Variants in PRUNE2 observed in about 807,000 individuals in gnomAD.
The protein encoded by PRUNE2 is protein prune homolog 2.
A neutral mutation model predicts 252.0 loss-of-function variants in PRUNE2; 164 were observed. That is an observed-to-expected ratio of 0.65 (90% CI 0.57 to 0.74). PRUNE2 has a LOEUF of 0.74. Ranked by LOEUF, PRUNE2 falls within the 30% of genes least tolerant of loss-of-function variation. The pLI is 0.00. For missense variants in PRUNE2, 3,495 were observed against 3,711.0 expected, an observed-to-expected ratio of 0.94 and a Z score of 1.51; for synonymous variants, 1,292 against 1,350.2, an observed-to-expected ratio of 0.96 and a Z score of 0.94.
chr9:76,835,868 T>C (rs2132205215), intron 4 of PRUNE2, among the ~76,000 whole-genome samples: 1 of 152,358 alleles, frequency 6.6e-6, no homozygotes, highest in South Asian at 2.1e-4. Flanking sequence ...AAAGGTCAAA[T>C]GAAACTACCA....
rs151145945 is a variant in PRUNE2 at position 76,628,986 on chromosome 9, G to C, written c.9149+206C>G. Among the ~76,000 whole-genome samples, 281 of 152,152 alleles carry C rather than the reference G, an allele frequency of 1.8e-3. 2 individuals are homozygous for C. The highest frequency in any genetic ancestry group is 6.5e-3 in the African/African-American group (271 of 41,510). ...CAGCCCCCTGAATAGCTGGACTACA[G>C]GCAAATGCCATCACGCCTGGCTAAT... On this transcript the variant is annotated intron_variant, in intron 16 of 18. Transcript: ENST00000376718.
chr9:76,670,450 T>C (rs1358785499), intron 9 of PRUNE2, among the ~76,000 whole-genome samples: 1 of 151,692 alleles, frequency 6.6e-6, no homozygotes, highest in Non-Finnish European at 1.5e-5. Flanking sequence ...GAGATCAAAC[T>C]GCAAGGCGGC....
chr9:76,677,448 G>T (rs1340001730), intron 9 of PRUNE2, among the ~76,000 whole-genome samples: 2 of 152,188 alleles, frequency 1.3e-5, no homozygotes, highest in Non-Finnish European at 2.9e-5. Flanking sequence ...CTGTTTCACA[G>T]GTGAGGAAAA....
chr9:76,727,005 G>A (rs536415088), intron 6 of PRUNE2, among the ~76,000 whole-genome samples: 21 of 152,292 alleles, frequency 1.4e-4, no homozygotes, highest in South Asian at 1.2e-3. Flanking sequence ...ACCTAAATTC[G>A]TAACAGATAA....
intron 7 of PRUNE2, among the ~76,000 whole-genome samples, chr9:76,712,131 A>ATAC (rs200612783): frequency 1.6e-4 from 24 of 152,226 alleles, no homozygotes; most frequent in East Asian, 7.7e-4. Context: ...GCTCACATAG[A>ATAC]TACTACTACT....
chr9:76,755,871 T>G (rs2051103753), intron 6 of PRUNE2, among the ~76,000 whole-genome samples: 1 of 151,964 alleles, frequency 6.6e-6, no homozygotes, highest in Non-Finnish European at 1.5e-5. Context: ...CCCGGTAAAT[T>G]TTTGCATTTT....
At chr9:76,782,683 T>C (rs2054547523) in intron 6 of PRUNE2, 1 of 152,350 alleles carries the variant, frequency 6.6e-6, no homozygotes, top group Non-Finnish European at 1.5e-5. Flanking sequence ...ACAACACATA[T>C]ACTTAGTGTT....
At chr9:76,868,383 CAT>C (rs2060970431) in intron 1 of PRUNE2, among the ~76,000 whole-genome samples, 1 of 152,234 alleles carries the variant, frequency 6.6e-6, no homozygotes, top group Admixed American at 6.5e-5. Flanking sequence ...TTTGCACAGA[CAT>C]GTGCCATGAG....
Position 76,644,114 on chromosome 9 carries a change from G to A in PRUNE2, c.8728+625C>T, listed in dbSNP as rs151214396. ...TCCCAAATTAATCAAGGCCACATAT[G>A]CTCCAGGAGCCCTCAAGAAAGTGCT... is the stretch of plus-strand genomic sequence containing the variant. On this transcript the variant is annotated intron_variant, in intron 12 of 18. Coordinates refer to ENST00000376718, the MANE Select transcript of PRUNE2 (RefSeq NM_015225.3). Among the ~76,000 whole-genome samples the A allele has an allele frequency of 5.7e-3, 870 of 152,204 alleles. 3 individuals carry two copies. Among genetic ancestry groups the A allele is most frequent in the Non-Finnish European group, 9.4e-3 (636 of 68,006 alleles).
At chr9:76,871,912 A>G (rs1441309410) in intron 1 of PRUNE2, among the ~76,000 whole-genome samples, 2 of 149,572 alleles carry the variant, frequency 1.3e-5, no homozygotes, top group African/African-American at 5.1e-5. Context: ...TACAGGTGTG[A>G]GCTACCACGT....
chr9:76,688,269 G>T (rs1243732646), intron 9 of PRUNE2, among the ~76,000 whole-genome samples: 6 of 152,242 alleles, frequency 3.9e-5, no homozygotes, highest in Non-Finnish European at 2.9e-5. Flanking sequence ...AACAAAGAAA[G>T]TGTAGTCATA....
At chr9:76,657,956 G>A (rs1849851253) in intron 9 of PRUNE2, among the ~76,000 whole-genome samples, 1 of 152,140 alleles carries the variant, frequency 6.6e-6, no homozygotes. Flanking sequence ...CTATGAAGAA[G>A]GCACAGATTT....
intron 6 of PRUNE2, among the ~76,000 whole-genome samples, chr9:76,745,991 G>A (rs2050070394): frequency 6.6e-6 from 1 of 152,246 alleles, no homozygotes; most frequent in African/African-American, 2.4e-5. Flanking sequence ...TGAGCTTGAA[G>A]AGAGAAGCCC....
intron 6 of PRUNE2, among the ~76,000 whole-genome samples, chr9:76,810,921 T>C (rs111540791): frequency 0.018 from 2,714 of 152,274 alleles, 58 homozygotes; most frequent in African/African-American, 0.055. Flanking sequence ...CTATGACAGG[T>C]TGATACAATG....
chr9:76,782,851 C>T (rs1002586630), intron 6 of PRUNE2: 2 of 152,296 alleles, frequency 1.3e-5, no homozygotes, highest in East Asian at 1.9e-4. Context: ...CATGGTAGAA[C>T]GAAGAATAGA....
intron 6 of PRUNE2, among the ~76,000 whole-genome samples, chr9:76,766,903 C>T (rs574265898): frequency 8.5e-4 from 130 of 152,282 alleles, no homozygotes; most frequent in African/African-American, 3.1e-3. Flanking sequence ...ACATACACAA[C>T]GCATACACAT....
In PRUNE2 at chr9:76,710,329, T is replaced by C. The variant is rs755191670; in HGVS notation, c.1945A>G (p.Thr649Ala). The C allele has an allele frequency of 1.2e-6, 2 of 1,613,998 alleles. No homozygotes were observed. The change falls in exon 8 of 19, where the codon ACC becomes GCC. Residue 649 changes from threonine to alanine, a missense_variant. Physicochemically the swap from Thr to Ala is moderately conservative, Grantham distance 58 (BLOSUM62 0). Transcript: ENST00000376718. ...CACCAGCTGCTGCACCGTGCATGGG[T>C]CTGAGGTGGCCCCATGTGACCTGTG... Reference protein sequence around the residue: ...TDTGHMGPPQTHARCSSWWGG... With the variant: ...TDTGHMGPPQAHARCSSWWGG...
chr9:76,803,800 C>T (rs1044433215), intron 6 of PRUNE2, among the ~76,000 whole-genome samples: 15 of 152,294 alleles, frequency 9.8e-5, no homozygotes, highest in African/African-American at 3.4e-4. Context: ...TAGCACTTCG[C>T]TGTTACTTTC....
In PRUNE2 at chr9:76,709,730, T is replaced by G; in HGVS notation, c.2544A>C (p.Leu848=). The change falls in exon 8 of 19, where the codon CTA becomes CTC. Residue 848 remains leucine (L), a synonymous_variant. Coordinates refer to ENST00000376718, the MANE Select transcript of PRUNE2 (RefSeq NM_015225.3). The stretch of plus-strand genomic sequence containing the variant: ...TTATCTCACTGGGTGAATTGTCCAG[T>G]AGTTCTGAAGAAGAAAAGGCAAACC... ...KSGFAFSSSE[L]LDNSPSEINN... 6.2e-7 allele frequency: 1 copy of G among 1,613,994 alleles called. No homozygotes were observed. Among genetic ancestry groups the G allele is most frequent in the Non-Finnish European group, 8.5e-7 (1 of 1,179,894 alleles).
Sources: allele counts gnomAD v4.1 joint callset (sites outside exome capture counted in the v4.1 genomes callset), GRCh38; gene constraint gnomAD v4.1.1; transcripts MANE v1.5; gene names NCBI Gene and HGNC (gene_info 2026-07-23, HGNC 2026-07-21).